PLA2G4A: variants seen among roughly 807,000 people sequenced by gnomAD.
PLA2G4A encodes phospholipase A2 group IVA.
In PLA2G4A, 40 loss-of-function variants were observed where a neutral mutation model predicts 81.9. The observed-to-expected ratio is 0.49, with a 90% CI of 0.38 to 0.64. PLA2G4A has a LOEUF of 0.64. Among genes scored for constraint, PLA2G4A ranks in the 30% least tolerant of loss-of-function variants. PLA2G4A has a pLI of 0.00. For missense variants in PLA2G4A, 715 were observed against 905.1 expected (o/e 0.79, Z 2.69); for synonymous variants, 302 against 296.9 (o/e 1.02, Z -0.18).
chr1:186,907,757 C>T (rs1654792768), intron 6 of PLA2G4A, among the ~76,000 whole-genome samples: 1 of 152,160 alleles, frequency 6.6e-6, no homozygotes, highest in Admixed American at 6.5e-5. Context: ...TGGGTTTAGG[C>T]ATTTGTTTAT....
intron 10 of PLA2G4A, among the ~76,000 whole-genome samples, chr1:186,946,387 G>T (rs917956490): frequency 6.6e-6 from 1 of 152,058 alleles, no homozygotes; most frequent in Non-Finnish European, 1.5e-5. Flanking sequence ...AAATAGAAAA[G>T]TGCATCTAAT....
chr1:186,951,460 A>AAT (rs72503155), intron 13 of PLA2G4A, among the ~76,000 whole-genome samples: 1 of 151,260 alleles, frequency 6.6e-6, no homozygotes, highest in Non-Finnish European at 1.5e-5. Context: ...AGTTAAAAAA[A>AAT]AGCCAACAAA....
intron 7 of PLA2G4A, among the ~76,000 whole-genome samples, chr1:186,931,422 A>T (rs879633601): frequency 2.6e-5 from 4 of 152,134 alleles, no homozygotes; most frequent in Admixed American, 2.6e-4. Flanking sequence ...TGGGTTAGGA[A>T]TTTAGTCCTA....
In PLA2G4A at chr1:186,920,732, C is replaced by T. The variant is rs190538576; in HGVS notation, c.558+9343C>T. Among the ~76,000 whole-genome samples the T allele has an allele frequency of 1.4e-4, 22 of 152,366 alleles. No homozygotes were observed. The East Asian group carries it at 4.2e-3, about 29-fold the overall frequency. Reference sequence around the variant, plus strand: ...TTCCCAGAACCCCCCTTTTCCTCTCCTTTCAGGGGAATTCCCCTAAAGGCC... The same window carrying T: ...TTCCCAGAACCCCCCTTTTCCTCTCTTTTCAGGGGAATTCCCCTAAAGGCC... On this transcript the variant is annotated intron_variant, in intron 7 of 17. Coordinates refer to ENST00000367466, the MANE Select transcript of PLA2G4A (RefSeq NM_024420.3).
At chr1:186,942,125 A>G (rs1656175522) in intron 10 of PLA2G4A, among the ~76,000 whole-genome samples, 2 of 152,182 alleles carry the variant, frequency 1.3e-5, no homozygotes, top group South Asian at 4.1e-4. Context: ...AGGGTCAGGG[A>G]TAACTCAGGT....
chr1:186,906,096 C>G (rs1186002833), intron 5 of PLA2G4A, among the ~76,000 whole-genome samples: 1 of 152,150 alleles, frequency 6.6e-6, no homozygotes, highest in Non-Finnish European at 1.5e-5. Flanking sequence ...TATCTATGTT[C>G]TTATGGTAAC....
chr1:186,831,018 CTT>C (rs1170613263), intron 1 of PLA2G4A, among the ~76,000 whole-genome samples: 3 of 126,860 alleles, frequency 2.4e-5, no homozygotes, highest in Admixed American at 1.6e-4. Flanking sequence ...TTCTTTCTTT[CTT>C]TTTCTTTCTT....
At chr1:186,838,870 A>G (rs1038354411) in intron 1 of PLA2G4A, among the ~76,000 whole-genome samples, 2 of 152,336 alleles carry the variant, frequency 1.3e-5, no homozygotes, top group African/African-American at 2.4e-5. Context: ...ATCCAAAAAA[A>G]GGATCTTTCA....
At chr1:186,840,921 C>CG (rs1651956455) in intron 1 of PLA2G4A, among the ~76,000 whole-genome samples, 1 of 152,146 alleles carries the variant, frequency 6.6e-6, no homozygotes, top group African/African-American at 2.4e-5. Flanking sequence ...GCAAAATGTC[C>CG]AGTCTAGAGA....
rs1653559654 is a variant in PLA2G4A, at chr1:186,877,754, G to T, written c.115+7238G>T. Among the ~76,000 whole-genome samples, 4 of 145,112 alleles carry T rather than the reference G, an allele frequency of 2.8e-5. No individual in the cohort carries two copies. The South Asian group carries it at 8.7e-4, about 32-fold the overall frequency. ...AAAAAGAAGCTTAATTCTGATTCTGGCATAGCAGTAAGATCTCAGGGAATA... is the reference window on the plus strand; with the variant it reads ...AAAAAGAAGCTTAATTCTGATTCTGTCATAGCAGTAAGATCTCAGGGAATA... On this transcript the variant is annotated intron_variant, in intron 3 of 17. Transcript: ENST00000367466.
chr1:186,921,888 A>G (rs1655366105), intron 7 of PLA2G4A, among the ~76,000 whole-genome samples: 1 of 152,022 alleles, frequency 6.6e-6, no homozygotes, highest in Admixed American at 6.6e-5. Flanking sequence ...AATAATTTAC[A>G]TATGGGAACT....
intron 7 of PLA2G4A, among the ~76,000 whole-genome samples, chr1:186,921,901 T>C (rs892202758): frequency 6.6e-6 from 1 of 152,146 alleles, no homozygotes; most frequent in Admixed American, 6.5e-5. Context: ...TGGGAACTCA[T>C]CTGGGTGCCC....
intron 5 of PLA2G4A, 71 bp from the exon 6 acceptor site, chr1:186,906,894 T>C: frequency 1.3e-6 from 1 of 796,160 alleles, no homozygotes; most frequent in Non-Finnish European, 2.2e-6. Flanking sequence ...AAAATTTATT[T>C]TGAGTTTGTT....
chr1:186,985,567 T>C (rs771341899), intron 17 of PLA2G4A, among the ~76,000 whole-genome samples: 11 of 152,232 alleles, frequency 7.2e-5, no homozygotes, highest in Admixed American at 3.3e-4. Flanking sequence ...GATAACTCAA[T>C]ATTTGTTTGT....
intron 1 of PLA2G4A, among the ~76,000 whole-genome samples, chr1:186,849,926 G>A (rs1037845916): frequency 2.6e-5 from 4 of 152,106 alleles, no homozygotes; most frequent in Non-Finnish European, 4.4e-5. Flanking sequence ...GAAGAGGTAA[G>A]TTACAGCCCT....
intron 12 of PLA2G4A, among the ~76,000 whole-genome samples, chr1:186,948,477 A>G (rs545044411): frequency 1.3e-5 from 2 of 151,976 alleles, no homozygotes; most frequent in Admixed American, 1.3e-4. Flanking sequence ...CTCTTTGTGG[A>G]AATAACAAAC....
chr1:186,912,995 A>G lies in PLA2G4A; in HGVS notation c.558+1606A>G, dbSNP rs552932354. 2.3e-3 allele frequency among the ~76,000 whole-genome samples: 351 copies of G among 151,046 alleles called. 1 individual carries two copies. The highest frequency in any genetic ancestry group is 7.7e-3 in the African/African-American group (318 of 41,338). ...AAACTGTGGAAATCATCATTATCGA[A>G]CAAGAAGAAAATGCCATAAATCTTG... On this transcript the variant is annotated intron_variant, in intron 7 of 17. Transcript: ENST00000367466.
chr1:186,949,859 CA>C (rs10592003), intron 12 of PLA2G4A, among the ~76,000 whole-genome samples: 18 of 147,424 alleles, frequency 1.2e-4, no homozygotes, highest in Non-Finnish European at 1.5e-4. Context: ...TCATTTCTAC[CA>C]AAAAAAAAAA....
intron 1 of PLA2G4A, among the ~76,000 whole-genome samples, chr1:186,830,092 G>C (rs1651492037): frequency 6.6e-6 from 1 of 152,174 alleles, no homozygotes; most frequent in Admixed American, 6.5e-5. Flanking sequence ...ACATTCTACA[G>C]GTTCCTACAC....
Sources: gnomAD v4.1 joint callset for allele counts (sites outside exome capture counted in the v4.1 genomes callset) on GRCh38, gnomAD v4.1.1 for gene constraint, MANE v1.5 for transcripts, NCBI Gene and HGNC (gene_info 2026-07-23, HGNC 2026-07-21) for gene names.